The following LMNTD1 variants were observed in gnomAD, a reference collection of about 807,000 sequenced individuals.
The protein encoded by LMNTD1 is lamin tail domain-containing protein 1.
LMNTD1 carries 35 observed loss-of-function variants against 50.9 expected under a neutral mutation model. The observed-to-expected ratio is 0.69, with a 90% CI of 0.53 to 0.91. The LOEUF is 0.91. Ranked by LOEUF, LMNTD1 falls within the 40% of genes least tolerant of loss-of-function variation. The probability of loss-of-function intolerance (pLI) is 0.00; values close to 1 mark genes in which losing one functional copy is unlikely to be tolerated. For synonymous variants in LMNTD1, 153 were observed against 161.9 expected (o/e 0.94, Z 0.42); for missense variants, 470 against 475.5 (o/e 0.99, Z 0.11).
upstream of LMNTD1, among the ~76,000 whole-genome samples, chr12:25,553,747 C>G (rs546069851): frequency 2.6e-5 from 4 of 152,234 alleles, no homozygotes; most frequent in Admixed American, 1.3e-4. Flanking sequence ...AGTTTCTCCT[C>G]TGTGTAAAAC....
intron 3 of LMNTD1, 51 bp from the exon 4 acceptor site, chr12:25,546,605 G>T: frequency 8.6e-7 from 1 of 1,161,568 alleles, no homozygotes; most frequent in Non-Finnish European, 1.2e-6. Context: ...TAAATAAAAT[G>T]ACATTAAAAG....
At position 25,607,614 on chromosome 12, in the gene LMNTD1, A is replaced by G. The variant is rs1423871080; in HGVS notation, c.58+40880T>C. Among the ~76,000 whole-genome samples, 8 of 152,190 alleles carry G rather than the reference A, an allele frequency of 5.3e-5. No individual in the cohort carries two copies. The East Asian group carries it at 9.6e-4, about 18-fold the overall frequency. On this transcript the variant is annotated intron_variant, in intron 1 of 7. Transcript: ENST00000445693. ...GTACCCAGTAGTCATTCAGGAGCAG[A>G]TTGTTCAGTTTCCATGTAGTTGAGC...
At chr12:25,550,480 T>G (rs1432461204) in intron 2 of LMNTD1, among the ~76,000 whole-genome samples, 2 of 152,190 alleles carry the variant, frequency 1.3e-5, no homozygotes, top group African/African-American at 2.4e-5. Flanking sequence ...CTCTGAAAAA[T>G]GAGACAAATG....
chr12:25,539,045 C>A (rs1227526989), intron 4 of LMNTD1, among the ~76,000 whole-genome samples: 1 of 151,398 alleles, frequency 6.6e-6, no homozygotes, highest in East Asian at 1.9e-4. Context: ...ATATGTGCAC[C>A]CAATACAGGA....
rs1467754921 is a variant in LMNTD1, at chr12:25,476,218, A to G, written c.*265T>C. The G allele has an allele frequency of 1.3e-5, 2 of 152,268 alleles. No homozygotes were observed. The highest frequency in any genetic ancestry group is 2.9e-5 in the Non-Finnish European group (2 of 68,048). The allele number at this position is 152,268 out of a possible 1,614,324, so 9.4% of individuals were successfully genotyped here. A position where few individuals can be genotyped will look rare whatever the true frequency, so the allele number is the denominator to read the frequency against. ...GGCAAATAGCAATTTTATCCATTGA[A>G]TAATACTAACCATCTGCTTGTTTTC... On this transcript the variant is annotated 3_prime_UTR_variant, in exon 10 of 10. Transcript: ENST00000458174.
chr12:25,520,919 T>G (rs1039577650), intron 6 of LMNTD1, among the ~76,000 whole-genome samples: 10 of 152,250 alleles, frequency 6.6e-5, no homozygotes, highest in African/African-American at 2.4e-4. Flanking sequence ...TGTGAAGTGA[T>G]AGCTCATAAC....
chr12:25,575,986 C>T (rs1565494602), intron 1 of LMNTD1, among the ~76,000 whole-genome samples: 1 of 152,130 alleles, frequency 6.6e-6, no homozygotes, highest in Non-Finnish European at 1.5e-5. Flanking sequence ...TGATGGTTTC[C>T]AGTTTCAACC....
intron 7 of LMNTD1, 23 bp downstream of exon 7, chr12:25,519,831 AAAAC>A (rs1407590105): frequency 4.6e-6 from 7 of 1,521,902 alleles, no homozygotes; most frequent in Admixed American, 1.7e-5. Context: ...AGGACCCATT[AAAAC>A]AAACAAACCA....
At chr12:25,538,305 G>A (rs975012877) in intron 4 of LMNTD1, among the ~76,000 whole-genome samples, 19 of 149,066 alleles carry the variant, frequency 1.3e-4, no homozygotes, top group African/African-American at 4.0e-4. Flanking sequence ...AGGAAAAAAT[G>A]TTAAGGGCAA....
In LMNTD1 at chr12:25,489,369, C is replaced by T. The variant is rs184439431; in HGVS notation, c.*23-12909G>A. ...AAGCCGGTCTGAAAAGCGCAATATT[C>T]GGGTGGGAGTGACCTGATTTTCCAG... is the stretch of plus-strand genomic sequence containing the variant. On this transcript the variant is annotated intron_variant, in intron 9 of 9. Coordinates refer to ENST00000458174, the MANE Select transcript of LMNTD1 (RefSeq NM_001145728.2). Among the ~76,000 whole-genome samples the T allele has an allele frequency of 3.9e-3, 598 of 151,720 alleles. 8 individuals are homozygous for T. The highest frequency in any genetic ancestry group is 0.014 in the African/African-American group (574 of 41,370).
At chr12:25,606,879 A>G (rs963254454) in intron 1 of LMNTD1, among the ~76,000 whole-genome samples, 1 of 152,084 alleles carries the variant, frequency 6.6e-6, no homozygotes, top group Admixed American at 6.6e-5. Flanking sequence ...TTCTTTTCCT[A>G]TTGATTGGAA....
intron 1 of LMNTD1, among the ~76,000 whole-genome samples, chr12:25,602,782 G>C (rs572233083): frequency 6.6e-6 from 1 of 152,060 alleles, no homozygotes; most frequent in African/African-American, 2.4e-5. Context: ...ACTAAAGGCA[G>C]ATGGGAAGAG....
At chr12:25,569,671 A>G (rs1161563316) in intron 1 of LMNTD1, among the ~76,000 whole-genome samples, 2 of 152,170 alleles carry the variant, frequency 1.3e-5, no homozygotes, top group Non-Finnish European at 2.9e-5. Context: ...CTTTGGTGAT[A>G]AGTTCTCATT....
chr12:25,559,314 C>T (rs1198732699), intron 1 of LMNTD1, among the ~76,000 whole-genome samples: 2 of 152,038 alleles, frequency 1.3e-5, no homozygotes, highest in African/African-American at 4.8e-5. Context: ...TCTGTCCTTG[C>T]AATACTTTGC....
intron 9 of LMNTD1, among the ~76,000 whole-genome samples, chr12:25,484,596 T>C (rs920073246): frequency 1.3e-5 from 2 of 150,816 alleles, no homozygotes; most frequent in Admixed American, 1.3e-4. Context: ...GCTGGTGCGC[T>C]GCACCCACTA....
intron 1 of LMNTD1, among the ~76,000 whole-genome samples, chr12:25,573,002 C>T (rs1209364072): frequency 1.3e-5 from 2 of 152,076 alleles, no homozygotes; most frequent in African/African-American, 4.8e-5. Flanking sequence ...TCTCCTTCTG[C>T]AGCACTGACA....
intron 1 of LMNTD1, among the ~76,000 whole-genome samples, chr12:25,591,206 T>A (rs1173402751): frequency 2.1e-5 from 3 of 145,388 alleles, no homozygotes; most frequent in African/African-American, 7.3e-5. Context: ...AAGATCCTTG[T>A]TTTCTTCCCT....
At chr12:25,592,220 A>C (rs1474218687) in intron 1 of LMNTD1, among the ~76,000 whole-genome samples, 1 of 152,196 alleles carries the variant, frequency 6.6e-6, no homozygotes, top group Non-Finnish European at 1.5e-5. Flanking sequence ...CAGGAGGCAG[A>C]ACTAGATTGC....
chr12:25,612,313 C>T (rs2136540042), intron 1 of LMNTD1, among the ~76,000 whole-genome samples: 1 of 112,260 alleles, frequency 8.9e-6, no homozygotes, highest in African/African-American at 2.6e-5. Flanking sequence ...CACACACACA[C>T]ACACACACAC....
Sources: allele counts gnomAD v4.1 joint callset (sites outside exome capture counted in the v4.1 genomes callset), GRCh38; gene constraint gnomAD v4.1.1; transcripts MANE v1.5; gene names NCBI Gene and HGNC (gene_info 2026-07-23, HGNC 2026-07-21).